Variants in SYNE4 observed in about 807,000 individuals in gnomAD.
The protein encoded by SYNE4 is spectrin repeat containing nuclear envelope family member 4, also known as nesprin-4.
SYNE4 carries 41 observed loss-of-function variants against 46.9 expected under a neutral mutation model. That is an observed-to-expected ratio of 0.87 (90% confidence interval 0.68 to 1.13). SYNE4 has a LOEUF of 1.13. Ranked by LOEUF, SYNE4 falls within the 50% of genes most tolerant of loss-of-function variation. The pLI is 0.00. For missense variants in SYNE4, 492 were observed against 514.8 expected, an observed-to-expected ratio of 0.96 and a Z score of 0.43; for synonymous variants, 221 against 219.5, an observed-to-expected ratio of 1.01 and a Z score of -0.06.
rs137899688 is a variant in SYNE4 at position 36,006,534 on chromosome 19, C to T, written c.756G>A (p.Ala252=). 1.0e-4 allele frequency: 163 copies of T among 1,606,820 alleles called. No individual in the cohort carries two copies. In the African/African-American group the frequency reaches 1.8e-3, roughly 18 times the overall value. The change falls in exon 5 of 8, where the codon GCG becomes GCA. Residue 252 remains alanine (A), a synonymous_variant. Coordinates refer to ENST00000324444, the MANE Select transcript of SYNE4 (RefSeq NM_001039876.3). ...PTSTELEWDP[A]GDIGGLGPLG... ...AGGGCCCAAGGCCCCCAATGTCCCCCGCCGGATCCCACTCCAACTCTGTGG... is the reference window on the plus strand; with the variant it reads ...AGGGCCCAAGGCCCCCAATGTCCCCTGCCGGATCCCACTCCAACTCTGTGG...
At chr19:36,006,699 G>C in intron 4 of SYNE4, 28 bp from the exon 5 acceptor site, 1 of 1,590,684 alleles carries the variant, frequency 6.3e-7, no homozygotes, top group Non-Finnish European at 8.6e-7. Flanking sequence ...GGTCATGGAG[G>C]CTATGAGGTT....
rs112382150 is a variant in SYNE4 at position 36,005,389 on chromosome 19, C to G, written c.916G>C (p.Gly306Arg). 3,224 of 1,614,002 alleles carry G rather than the reference C, an allele frequency of 2.0e-3. 10 individuals are homozygous for G. Among genetic ancestry groups the G allele is most frequent in the Non-Finnish European group, 2.5e-3 (3,000 of 1,179,986 alleles). ...SRQDMLESGLGHQKRLARHQR... is the reference protein window; with the variant it reads ...SRQDMLESGLRHQKRLARHQR... Reference sequence around the variant, plus strand: ...TGACGTGCTAAGCGTTTCTGGTGGCCGAGGCCAGACTCCAGCATGTCCTGT... The same window carrying G: ...TGACGTGCTAAGCGTTTCTGGTGGCGGAGGCCAGACTCCAGCATGTCCTGT... Residue 306 changes from glycine (G) to arginine (R), a missense_variant, in exon 6 of 8, where the codon GGC (glycine) becomes CGC (arginine). By Grantham distance (125) the Gly-to-Arg change is moderately radical. Coordinates refer to ENST00000324444, the MANE Select transcript of SYNE4 (RefSeq NM_001039876.3).
At position 36,005,407 on chromosome 19, in the gene SYNE4, T is replaced by C. The variant is rs563620029; in HGVS notation, c.898A>G (p.Met300Val). 3.7e-6 allele frequency: 6 copies of C among 1,614,034 alleles called. No homozygotes were observed. Among genetic ancestry groups the C allele is most frequent in the South Asian group, 3.3e-5 (3 of 91,074 alleles). The change falls in exon 6 of 8, where the codon ATG becomes GTG. Residue 300 changes from methionine (M) to valine (V), a missense_variant. Met to Val is a conservative substitution (Grantham distance 21). Transcript: ENST00000324444. ...EADTSHSRQD[M>V]LESGLGHQKR... is the part of the protein sequence containing the mutation. ...TGGTGGCCGAGGCCAGACTCCAGCA[T>C]GTCCTGTCGGGAGTGAGAGGTGTCT...
Position 36,003,426 on chromosome 19 carries a change from C to G in SYNE4, c.1126G>C (p.Ala376Pro). The change falls in exon 8 of 8, where the codon GCG (alanine) becomes CCG (proline). Residue 376 changes from alanine (A) to proline (P), a missense_variant. Transcript: ENST00000324444. ...TGAGAGCAGCAGGGGCCTCCTGACG[C>G]GGGCAGGAGAAACATGGCACCCACC... is the stretch of plus-strand genomic sequence containing the variant. ...LLVGAMFLLP[A>P]SGGPCCSHAR... The G allele has an allele frequency of 6.2e-7, 1 of 1,613,648 alleles. No homozygotes were observed. The highest frequency in any genetic ancestry group is 8.5e-7 in the Non-Finnish European group (1 of 1,179,862).
At chr19:36,003,758 C>T (rs1321185301) in intron 6 of SYNE4, 87 bp from the exon 7 acceptor site, 3 of 1,539,094 alleles carry the variant, frequency 1.9e-6, no homozygotes, top group Non-Finnish European at 2.6e-6. Flanking sequence ...TCACTCTTGG[C>T]ACCCACGCTG....
At chr19:36,004,057 G>A (rs1453231488) in intron 6 of SYNE4, among the ~76,000 whole-genome samples, 1 of 152,082 alleles carries the variant, frequency 6.6e-6, no homozygotes, top group African/African-American at 2.4e-5. Flanking sequence ...CACCCAGGCT[G>A]GAGTGCAGTT....
At chr19:36,004,880 T>C (rs1365422604) in intron 6 of SYNE4, among the ~76,000 whole-genome samples, 1 of 143,866 alleles carries the variant, frequency 7.0e-6, no homozygotes, top group Non-Finnish European at 1.5e-5. Context: ...TTTTTTTTTT[T>C]TTTTTTTTTT....
chr19:36,008,522 T>C (rs759819586), intron 1 of SYNE4, 32 bp downstream of exon 1: 1 of 1,612,682 alleles, frequency 6.2e-7, no homozygotes, highest in South Asian at 1.1e-5. Flanking sequence ...CCTACCCTTT[T>C]GGGAACAAGC....
Position 36,003,496 on chromosome 19 carries a change from C to T in SYNE4, c.1056G>A (p.Gln352=). 6.2e-7 allele frequency: 1 copy of T among 1,603,990 alleles called. No homozygotes were observed. Among genetic ancestry groups the T allele is most frequent in the Non-Finnish European group, 8.5e-7 (1 of 1,174,862 alleles). The change falls in exon 8 of 8, where the codon CAG becomes CAA. Residue 352 remains glutamine (Q), a synonymous_variant. Coordinates refer to ENST00000324444, the MANE Select transcript of SYNE4 (RefSeq NM_001039876.3). The part of the protein sequence containing the change: ...NPGAPDPASR[Q]PLTFLLILFL... ...AGAGGATAAGGAGGAAGGTCAGAGG[C>T]TGCCTGGATGCAGGATCGGGGGCCC...
intron 5 of SYNE4, chr19:36,005,954 G>A (rs954591951): frequency 5.1e-5 from 8 of 157,932 alleles, no homozygotes; most frequent in Non-Finnish European, 9.7e-5. Context: ...GGGAGGCAGA[G>A]TTTGCAGTGA....
At chr19:36,007,029 G>T in intron 3 of SYNE4, 85 bp from the exon 4 acceptor site, 1 of 1,546,830 alleles carries the variant, frequency 6.5e-7, no homozygotes, top group Non-Finnish European at 8.7e-7. Flanking sequence ...CTATCCAAAG[G>T]CCTGGAACAT....
chr19:36,004,530 G>A (rs1038669083), intron 6 of SYNE4, among the ~76,000 whole-genome samples: 3 of 152,168 alleles, frequency 2.0e-5, no homozygotes, highest in South Asian at 2.1e-4. Flanking sequence ...GGAGGTGGGC[G>A]GCTGTCATGC....
Position 36,003,671 on chromosome 19 carries a change from C to G in SYNE4, c.973G>C (p.Asp325His). ...TGAGGAGATGCTTGCCTCTTCTTGTCCTAAGGAGGGAGAGCAGCCAGCAGC... is the reference window on the plus strand; with the variant it reads ...TGAGGAGATGCTTGCCTCTTCTTGTGCTAAGGAGGGAGAGCAGCCAGCAGC... ...QRHSLLRKPQ[D>H]KKRQASPHLQ... The change falls in exon 7 of 8, where the codon GAC (aspartate) becomes CAC (histidine). Residue 325 changes from aspartate (D) to histidine (H), a missense_variant and splice_region_variant. Physicochemically the swap from Asp to His is moderately conservative, Grantham distance 81. Coordinates refer to ENST00000324444, the MANE Select transcript of SYNE4 (RefSeq NM_001039876.3). The G allele has an allele frequency of 1.2e-6, 2 of 1,612,426 alleles. No homozygotes were observed. The highest frequency in any genetic ancestry group is 2.2e-5 in the South Asian group (2 of 90,522).
chr19:36,007,054 T>G, intron 3 of SYNE4, 71 bp downstream of exon 3: 2 of 1,557,106 alleles, frequency 1.3e-6, no homozygotes, highest in Non-Finnish European at 1.7e-6. Flanking sequence ...TCAACCCATT[T>G]CCCATCCCGG....
At chr19:36,008,439 G>C in intron 1 of SYNE4, 72 bp from the exon 2 acceptor site, 1 of 1,584,252 alleles carries the variant, frequency 6.3e-7, no homozygotes, top group Non-Finnish European at 8.6e-7. Context: ...CCCCAACCCT[G>C]GTGGCCTCTC....
In SYNE4 at chr19:36,008,309, C is replaced by A; in HGVS notation, c.187G>T (p.Gly63Cys). The change falls in exon 2 of 8, where the codon GGT (glycine) becomes TGT (cysteine). Residue 63 changes from glycine to cysteine, a missense_variant. By Grantham distance (159) the Gly-to-Cys change is radical. Coordinates refer to ENST00000324444, the MANE Select transcript of SYNE4 (RefSeq NM_001039876.3). ...GCAGGCTCATTGCCCCTTGGCCCAC[C>A]CTGGAAGTGCTCAGGAGGGCCCAAG... ...DSLGPPEHFQ[G>C]GPRGNEPAAH... 6.3e-7 allele frequency: 1 copy of A among 1,585,512 alleles called. No individual in the cohort carries two copies. The highest frequency in any genetic ancestry group is 8.6e-7 in the Non-Finnish European group (1 of 1,164,638).
chr19:36,005,298 T>C (rs376101649), intron 6 of SYNE4, 35 bp downstream of exon 6: 2 of 1,599,704 alleles, frequency 1.3e-6, no homozygotes, highest in Non-Finnish European at 1.7e-6. Context: ...CCATCAAGAT[T>C]CCTGAGTGCT....
chr19:36,008,141 T>C (rs746703099), intron 2 of SYNE4, 76 bp downstream of exon 2: 20 of 1,490,322 alleles, frequency 1.3e-5, no homozygotes, highest in Non-Finnish European at 1.7e-5. Context: ...CACCCGGTCC[T>C]CAGTATGGAG....
At chr19:36,008,100 C>G in intron 2 of SYNE4, 117 bp downstream of exon 2, 1 of 1,357,832 alleles carries the variant, frequency 7.4e-7, no homozygotes, top group Non-Finnish European at 9.7e-7. Context: ...GTCCCTCCCC[C>G]TACAGACACC....
Sources: allele counts gnomAD v4.1 joint callset (sites outside exome capture counted in the v4.1 genomes callset), GRCh38; gene constraint gnomAD v4.1.1; transcripts MANE v1.5; gene names NCBI Gene and HGNC (gene_info 2026-07-23, HGNC 2026-07-21).